The following MYEF2 variants were observed in gnomAD, a reference collection of about 807,000 sequenced individuals.
MYEF2 encodes the protein myelin gene expression factor 2.
A neutral mutation model predicts 75.2 loss-of-function variants in MYEF2; 37 were observed. The observed-to-expected ratio is 0.49, with a 90% confidence interval of 0.38 to 0.65. The LOEUF (loss-of-function observed/expected upper bound fraction) is 0.65, where lower values mean the gene tolerates loss of function less well. MYEF2 is among the 30% of genes least tolerant of loss of function. MYEF2 has a pLI of 0.00. For synonymous variants in MYEF2, 195 were observed against 241.6 expected, an observed-to-expected ratio of 0.81 and a Z score of 1.79; for missense variants, 634 against 771.4, an observed-to-expected ratio of 0.82 and a Z score of 2.11.
intron 9 of MYEF2, among the ~76,000 whole-genome samples, chr15:48,154,490 A>G (rs541868122): frequency 5.9e-5 from 9 of 152,268 alleles, no homozygotes; most frequent in Admixed American, 6.6e-5. Flanking sequence ...GCTGATTTTA[A>G]GACTTTGGTC....
In MYEF2 at chr15:48,141,249, TCTACAAGG is replaced by T; in HGVS notation, c.*1651_*1658del. Reference sequence around the variant, plus strand: ...AGGTCCCTCAAGCTGCAATGGTCATTCTACAAGGCTAGAATGAGTAAAAGTAGCTTTAA... The same window carrying T: ...AGGTCCCTCAAGCTGCAATGGTCATTCTAGAATGAGTAAAAGTAGCTTTAA... On this transcript the variant is annotated 3_prime_UTR_variant, in exon 17 of 17. Coordinates refer to ENST00000324324, the MANE Select transcript of MYEF2 (RefSeq NM_016132.5). 6.7e-7 allele frequency: 1 copy of T among 1,486,950 alleles called. No individual in the cohort carries two copies. The highest frequency in any genetic ancestry group is 9.4e-7 in the Non-Finnish European group (1 of 1,065,126). The allele number at this position is 1,486,950 out of a possible 1,614,324, so 92.1% of individuals were successfully genotyped here. A position where few individuals can be genotyped will look rare whatever the true frequency, so the allele number is the denominator to read the frequency against.
intron 6 of MYEF2, 126 bp from the exon 7 acceptor site, chr15:48,159,048 T>C (rs951182357): frequency 4.4e-5 from 34 of 776,562 alleles, no homozygotes; most frequent in Non-Finnish European, 6.2e-5. Flanking sequence ...AATATATTGA[T>C]AATGTTCAAA....
rs1247387007 is a variant in MYEF2, at chr15:48,142,729, A to G, written c.*179T>C. 1.7e-6 allele frequency: 1 copy of G among 601,390 alleles called. No individual in the cohort carries two copies. The highest frequency in any genetic ancestry group is 2.7e-6 in the Non-Finnish European group (1 of 377,110). The allele number at this position is 601,390 out of a possible 1,614,324, so 37.3% of individuals were successfully genotyped here. On this transcript the variant is annotated 3_prime_UTR_variant, in exon 17 of 17. Coordinates refer to ENST00000324324, the MANE Select transcript of MYEF2 (RefSeq NM_016132.5). ...CCAGACTTGCTGTCTTTAAAAACCC[A>G]AACTTGAGATTAACAAAAATTACAG...
At chr15:48,172,424 T>A (rs1597359368) in intron 1 of MYEF2, among the ~76,000 whole-genome samples, 12 of 138,726 alleles carry the variant, frequency 8.7e-5, no homozygotes, top group Non-Finnish European at 6.2e-5. Flanking sequence ...AGAATAAAGA[T>A]CTCCAACAAC....
chr15:48,160,423 G>GT (rs1171415055), intron 5 of MYEF2, among the ~76,000 whole-genome samples: 1 of 150,436 alleles, frequency 6.6e-6, no homozygotes, highest in African/African-American at 2.4e-5. Flanking sequence ...ATTAAACATT[G>GT]TTTTTTTGTT....
intron 5 of MYEF2, among the ~76,000 whole-genome samples, chr15:48,160,141 C>G (rs2039880109): frequency 6.6e-6 from 1 of 152,032 alleles, no homozygotes; most frequent in Non-Finnish European, 1.5e-5. Flanking sequence ...CTTTTCTTTC[C>G]AAAATGTAGG....
At position 48,141,956 on chromosome 15, in the gene MYEF2, C is replaced by A; in HGVS notation, c.*952G>T. On this transcript the variant is annotated 3_prime_UTR_variant, in exon 17 of 17. Transcript: ENST00000324324. The stretch of plus-strand genomic sequence containing the variant: ...AACAACAAAAAAGTATCCAGTGTTT[C>A]TTTTCTTATGAAGATTATTAATAAA... The A allele has an allele frequency of 8.8e-7, 1 of 1,142,496 alleles. No homozygotes were observed. 70.8% of individuals were successfully genotyped at this position (1,142,496 alleles called of 1,614,324 possible).
At chr15:48,162,416 T>G (rs2039975050) in intron 5 of MYEF2, among the ~76,000 whole-genome samples, 1 of 152,176 alleles carries the variant, frequency 6.6e-6, no homozygotes, top group Admixed American at 6.5e-5. Context: ...ACTCCCATCT[T>G]AGTAATTATG....
intron 5 of MYEF2, among the ~76,000 whole-genome samples, chr15:48,164,248 C>T (rs2040056242): frequency 6.6e-6 from 1 of 152,052 alleles, no homozygotes; most frequent in Non-Finnish European, 1.5e-5. Context: ...GGATTCTAAT[C>T]CTAATGGATG....
At chr15:48,173,482 A>G (rs774196684) in intron 1 of MYEF2, among the ~76,000 whole-genome samples, 6 of 152,200 alleles carry the variant, frequency 3.9e-5, no homozygotes, top group African/African-American at 1.2e-4. Context: ...ATTGTACTGA[A>G]GGTCACAGCC....
intron 1 of MYEF2, among the ~76,000 whole-genome samples, chr15:48,171,045 T>C (rs2040319969): frequency 6.6e-6 from 1 of 152,190 alleles, no homozygotes; most frequent in Non-Finnish European, 1.5e-5. Flanking sequence ...TCTTCTCAAC[T>C]GTCTAAATCT....
rs1291500311 is a variant in MYEF2, at chr15:48,159,637, A to C, written c.693T>G (p.Leu231=). 2 of 1,610,950 alleles carry C rather than the reference A, an allele frequency of 1.2e-6. No homozygotes were observed. The change falls in exon 6 of 17, where the codon CTT becomes CTG. Residue 231 remains leucine, a synonymous_variant. Coordinates refer to ENST00000324324, the MANE Select transcript of MYEF2 (RefSeq NM_016132.5). ...EVISNLQAGR[L]GSTIFVANLD... ...CATTGGCAACAAAAATTGTGGAACCAAGTCTACCGGCCTGCAAATTACTGA... is the reference window on the plus strand; with the variant it reads ...CATTGGCAACAAAAATTGTGGAACCCAGTCTACCGGCCTGCAAATTACTGA...
In MYEF2 at chr15:48,151,582, T is replaced by C. The variant is rs762846518; in HGVS notation, c.1208-11A>G. The C allele has an allele frequency of 1.9e-6, 3 of 1,596,070 alleles. No individual in the cohort carries two copies. Among genetic ancestry groups the C allele is most frequent in the Admixed American group, 1.8e-5 (1 of 55,334 alleles). On this transcript the variant is annotated splice_polypyrimidine_tract_variant and intron_variant, in intron 12 of 16. Transcript: ENST00000324324. Reference sequence around the variant, plus strand: ...CACCACGGTACAGCTCTGAAAAAATTGTGCAACAAATTAACCTTTTCAAAT... The same window carrying C: ...CACCACGGTACAGCTCTGAAAAAATCGTGCAACAAATTAACCTTTTCAAAT...
Position 48,153,856 on chromosome 15 carries a change from AC to A in MYEF2, c.1022del (p.Gly341ValfsTer10). The A allele has an allele frequency of 6.2e-7, 1 of 1,613,396 alleles. No individual in the cohort carries two copies. Among genetic ancestry groups the A allele is most frequent in the Non-Finnish European group, 8.5e-7 (1 of 1,179,564 alleles). On this transcript the variant is annotated frameshift_variant, in exon 10 of 17. Transcript: ENST00000324324. LOFTEE classifies it high-confidence loss of function. ...ACTGGCTGGCACTAATAGGCTGTCC[AC>A]CCGGACCAAGTCCCATCCCAATGCC... ...LGGIGMGLGP[G>X]GQPISASQLN... is the part of the protein sequence containing the mutation.
intron 1 of MYEF2, among the ~76,000 whole-genome samples, chr15:48,169,317 T>C (rs890488632): frequency 5.3e-5 from 8 of 152,190 alleles, no homozygotes; most frequent in African/African-American, 1.9e-4. Flanking sequence ...AACTTTCTCC[T>C]CCCTTAATTA....
At chr15:48,170,443 A>C (rs2040284240) in intron 1 of MYEF2, among the ~76,000 whole-genome samples, 1 of 152,164 alleles carries the variant, frequency 6.6e-6, no homozygotes. Context: ...TTCTTATTTA[A>C]ATAAGTGCTC....
chr15:48,164,662 CTTAAT>C (rs774457634), intron 5 of MYEF2, among the ~76,000 whole-genome samples: 52 of 152,246 alleles, frequency 3.4e-4, no homozygotes, highest in South Asian at 2.3e-3. Flanking sequence ...CTTCATTGTT[CTTAAT>C]TTAAGAAATT....
rs962315545 is a variant in MYEF2 at position 48,159,452 on chromosome 15, A to G, written c.717+161T>C. ...CTTGTGCGTGTGTGTGTGTGTGTAT[A>G]TATATGTATATACGTCAATTGATTT... On this transcript the variant is annotated intron_variant, in intron 6 of 16. Transcript: ENST00000324324. 31 of 625,430 alleles carry G rather than the reference A, an allele frequency of 5.0e-5. No individual in the cohort carries two copies. The African/African-American group carries it at 5.7e-4, about 12-fold the overall frequency. 38.7% of individuals were successfully genotyped at this position (625,430 alleles called of 1,614,324 possible). A position where few individuals can be genotyped will look rare whatever the true frequency, so the allele number is the denominator to read the frequency against.
At chr15:48,157,764 A>G in intron 9 of MYEF2, 1 of 1,254,324 alleles carries the variant, frequency 8.0e-7, no homozygotes, top group East Asian at 3.1e-5. Context: ...ACATTTTAGA[A>G]TGTATTGCTG....
Sources: allele counts gnomAD v4.1 joint callset (sites outside exome capture counted in the v4.1 genomes callset), GRCh38; gene constraint gnomAD v4.1.1; transcripts MANE v1.5; gene names NCBI Gene and HGNC (gene_info 2026-07-23, HGNC 2026-07-21).